ATAD2: variants seen among roughly 807,000 people sequenced by gnomAD.
ATAD2 encodes ATPase family AAA domain containing 2.
Under a neutral mutation model 168.9 loss-of-function variants are expected in ATAD2, and 62 were observed. That is an observed-to-expected ratio of 0.37 (90% CI 0.30 to 0.45). ATAD2 has a LOEUF of 0.45. Among genes scored for constraint, ATAD2 ranks in the 20% least tolerant of loss-of-function variants. The pLI is 1.00. For synonymous variants in ATAD2, 613 were observed against 571.6 expected, an observed-to-expected ratio of 1.07 and a Z score of -1.03; for missense variants, 1,419 against 1,667.8, an observed-to-expected ratio of 0.85 and a Z score of 2.60.
intron 1 of ATAD2, among the ~76,000 whole-genome samples, chr8:123,412,397 A>G (rs928644037): frequency 6.6e-6 from 1 of 152,176 alleles, no homozygotes; most frequent in African/African-American, 2.4e-5. Flanking sequence ...TGTGATAATA[A>G]TCATAACTGC....
In ATAD2 at chr8:123,333,996, C is replaced by T. The variant is rs145891591; in HGVS notation, c.3360G>A (p.Pro1120=). 4.0e-4 allele frequency: 651 copies of T among 1,613,894 alleles called. 12 individuals carry two copies. In the South Asian group the frequency reaches 6.7e-3, roughly 16 times the overall value. The part of the protein sequence containing the change: ...KRGCSSSKYA[P]SYYHVMPKQN... The stretch of plus-strand genomic sequence containing the variant: ...GCTTTGGCATCACATGGTAGTAAGA[C>T]GGGGCATATTTGGAGGAGCTACAAC... The change falls in exon 24 of 28, where the codon CCG becomes CCA. Residue 1120 remains proline (P), a synonymous_variant. Transcript: ENST00000287394.
At chr8:123,346,466 C>T in intron 17 of ATAD2, 152 bp downstream of exon 17, 1 of 966,590 alleles carries the variant, frequency 1.0e-6, no homozygotes, top group Non-Finnish European at 1.5e-6. Context: ...GTAATTTCTA[C>T]TGTTGTGACA....
rs1477438114 is a variant in ATAD2, at chr8:123,346,699, ACAT to A, written c.2261_2263del (p.Asp754del). The A allele has an allele frequency of 3.1e-6, 5 of 1,596,964 alleles. No homozygotes were observed. The highest frequency in any genetic ancestry group is 1.3e-5 in the African/African-American group (1 of 74,274). ...AAGTCCATTTTCATAAACTGATGGAACATCATCATCACTGTAAGCCAAGTCACT... is the reference window on the plus strand; with the variant it reads ...AAGTCCATTTTCATAAACTGATGGAACATCATCACTGTAAGCCAAGTCACT... On this transcript the variant is annotated inframe_deletion, in exon 17 of 28. Coordinates refer to ENST00000287394, the MANE Select transcript of ATAD2 (RefSeq NM_014109.4).
At chr8:123,375,330 A>AGAT (rs768094021) in intron 2 of ATAD2, among the ~76,000 whole-genome samples, 2 of 152,232 alleles carry the variant, frequency 1.3e-5, no homozygotes, top group Non-Finnish European at 2.9e-5. Flanking sequence ...AACCACAGTG[A>AGAT]GATACTTCAC....
chr8:123,414,945 C>T (rs1586917117), intron 1 of ATAD2, among the ~76,000 whole-genome samples: 1 of 152,030 alleles, frequency 6.6e-6, no homozygotes, highest in Non-Finnish European at 1.5e-5. Context: ...GCTTTGTTGC[C>T]TGTGTACCTT....
At chr8:123,383,879 A>G (rs1563862035) in intron 1 of ATAD2, among the ~76,000 whole-genome samples, 1 of 152,014 alleles carries the variant, frequency 6.6e-6, no homozygotes, top group African/African-American at 2.4e-5. Flanking sequence ...GTCAAGAGAT[A>G]GAGACCATTG....
At chr8:123,415,122 A>G (rs776324605) in intron 1 of ATAD2, among the ~76,000 whole-genome samples, 1 of 152,156 alleles carries the variant, frequency 6.6e-6, no homozygotes, top group Non-Finnish European at 1.5e-5. Context: ...TTCTCTCACC[A>G]TTTGTCTGAA....
At chr8:123,375,913 C>T (rs1829293678) in intron 2 of ATAD2, among the ~76,000 whole-genome samples, 1 of 151,726 alleles carries the variant, frequency 6.6e-6, no homozygotes, top group Admixed American at 6.6e-5. Context: ...CAAGACCAGC[C>T]TGGCCAAGAT....
intron 8 of ATAD2, 67 bp from the exon 9 acceptor site, chr8:123,361,713 G>T: frequency 1.5e-6 from 2 of 1,303,568 alleles, no homozygotes; most frequent in Non-Finnish European, 1.1e-6. Flanking sequence ...CATAAGAAAA[G>T]CATCAGAAAT....
chr8:123,337,605 T>G lies in ATAD2; in HGVS notation c.3051+20A>C, dbSNP rs753039705. On this transcript the variant is annotated intron_variant, in intron 21 of 27. Transcript: ENST00000287394. ...GCATTATGGCCTAGAATACACTTGA[T>G]CCAAAGATTAAACTAATACCTCATC... The G allele has an allele frequency of 1.3e-6, 2 of 1,567,184 alleles. No individual in the cohort carries two copies. The highest frequency in any genetic ancestry group is 1.7e-6 in the Non-Finnish European group (2 of 1,157,080).
chr8:123,389,416 G>C (rs959919778), intron 1 of ATAD2, among the ~76,000 whole-genome samples: 2 of 149,700 alleles, frequency 1.3e-5, no homozygotes, highest in African/African-American at 4.9e-5. Flanking sequence ...AAGGCGGGCG[G>C]ATCACGAAGT....
At chr8:123,331,106 AGTT>A (rs886400130) in intron 24 of ATAD2, among the ~76,000 whole-genome samples, 2 of 151,386 alleles carry the variant, frequency 1.3e-5, no homozygotes, top group African/African-American at 2.4e-5. Context: ...ATGCCCAGCT[AGTT>A]GTTGTATTTT....
intron 26 of ATAD2, among the ~76,000 whole-genome samples, chr8:123,323,267 A>T (rs1320202030): frequency 6.6e-6 from 1 of 152,222 alleles, no homozygotes; most frequent in Non-Finnish European, 1.5e-5. Flanking sequence ...GACCTTGAGT[A>T]ACTCATATTC....
intron 14 of ATAD2, among the ~76,000 whole-genome samples, chr8:123,349,033 A>G (rs1828359878): frequency 6.6e-6 from 1 of 152,242 alleles, no homozygotes; most frequent in South Asian, 2.1e-4. Flanking sequence ...TCATTAAGCC[A>G]TATGTTCTGA....
chr8:123,399,044 C>T (rs1256685001), upstream of ATAD2, among the ~76,000 whole-genome samples: 1 of 151,566 alleles, frequency 6.6e-6, no homozygotes, highest in African/African-American at 2.4e-5. Flanking sequence ...GGGCAGATCA[C>T]GAGGTCAAGA....
Position 123,371,352 on chromosome 8 carries a change from A to T in ATAD2, c.537-14T>A. The T allele has an allele frequency of 6.4e-7, 1 of 1,557,818 alleles. No homozygotes were observed. Among genetic ancestry groups the T allele is most frequent in the Non-Finnish European group, 8.7e-7 (1 of 1,154,628 alleles). ...GCTTCAGCAGTGCTTTAAAAAAAAG[A>T]TATAAATGTAAGTGAAAATTGTAAA... On this transcript the variant is annotated splice_polypyrimidine_tract_variant and intron_variant, in intron 4 of 27. Coordinates refer to ENST00000287394, the MANE Select transcript of ATAD2 (RefSeq NM_014109.4).
intron 2 of ATAD2, among the ~76,000 whole-genome samples, chr8:123,376,489 G>A (rs953464571): frequency 6.6e-6 from 1 of 152,000 alleles, no homozygotes; most frequent in African/African-American, 2.4e-5. Context: ...TTGAACCTGG[G>A]AGGCAGAGGT....
intron 6 of ATAD2, 106 bp from the exon 7 acceptor site, chr8:123,370,130 T>C: frequency 2.2e-6 from 2 of 911,228 alleles, no homozygotes; most frequent in Non-Finnish European, 3.2e-6. Flanking sequence ...AAAACTTATC[T>C]ACTCCTAAAA....
chr8:123,381,631 G>A (rs750595211), intron 1 of ATAD2, among the ~76,000 whole-genome samples: 23 of 152,170 alleles, frequency 1.5e-4, no homozygotes, highest in East Asian at 3.8e-4. Context: ...GCTGCTTTAT[G>A]AGCTAGAGGT....
Sources: allele counts gnomAD v4.1 joint callset (sites outside exome capture counted in the v4.1 genomes callset), GRCh38; gene constraint gnomAD v4.1.1; transcripts MANE v1.5; gene names NCBI Gene and HGNC (gene_info 2026-07-23, HGNC 2026-07-21).